GINS4: variants seen among roughly 807,000 people sequenced by gnomAD.
GINS4 encodes GINS complex subunit 4.
GINS4 carries 20 observed loss-of-function variants against 31.1 expected under a neutral mutation model. The observed-to-expected ratio is 0.64, with a 90% CI of 0.45 to 0.93. The LOEUF (loss-of-function observed/expected upper bound fraction) is 0.93. GINS4 is among the 40% of genes least tolerant of loss of function. GINS4 has a pLI of 0.00. For synonymous variants in GINS4, 85 were observed against 97.9 expected (o/e 0.87, Z 0.78); for missense variants, 245 against 273.9 (o/e 0.89, Z 0.75).
chr8:41,530,161 A>T, intron 1 of GINS4, 23 bp from the exon 2 acceptor site: 1 of 1,362,634 alleles, frequency 7.3e-7, no homozygotes, highest in Non-Finnish European at 1.0e-6. Flanking sequence ...ATTGCAGAGT[A>T]TTGGTTCTTT....
intron 1 of GINS4, chr8:41,529,686 C>T (rs1475285303): frequency 6.5e-6 from 1 of 153,050 alleles, no homozygotes; most frequent in African/African-American, 2.4e-5. Context: ...AAGGTATCTT[C>T]CTGCCTCGGC....
At chr8:41,532,503 G>A (rs1187919725) in intron 2 of GINS4, among the ~76,000 whole-genome samples, 1 of 152,024 alleles carries the variant, frequency 6.6e-6, no homozygotes, top group Admixed American at 6.6e-5. Context: ...CCATCCTGAG[G>A]ATCATAGCGA....
chr8:41,536,730 G>T (rs987198707), intron 3 of GINS4, among the ~76,000 whole-genome samples: 43 of 152,198 alleles, frequency 2.8e-4, no homozygotes, highest in African/African-American at 1.0e-3. Flanking sequence ...TGTACTCCCT[G>T]CTCCCCACAG....
chr8:41,534,363 T>C (rs1402824729), intron 2 of GINS4: 1 of 222,702 alleles, frequency 4.5e-6, no homozygotes, highest in South Asian at 5.4e-5. Context: ...GCCATTATCA[T>C]GCCACTGTGT....
intron 2 of GINS4, among the ~76,000 whole-genome samples, chr8:41,535,316 C>A (rs1220118337): frequency 1.3e-5 from 2 of 152,120 alleles, no homozygotes; most frequent in Non-Finnish European, 2.9e-5. Context: ...CCAGCCTGGG[C>A]AACAGAGTGA....
chr8:41,538,814 G>C (rs1330875527), intron 4 of GINS4, among the ~76,000 whole-genome samples: 2 of 151,778 alleles, frequency 1.3e-5, no homozygotes, highest in Non-Finnish European at 2.9e-5. Flanking sequence ...ACGTGATTCT[G>C]TTGCCTCAGC....
chr8:41,539,751 C>A lies in GINS4; in HGVS notation c.371C>A (p.Pro124Gln). The change falls in exon 5 of 8, where the codon CCG becomes CAG. Residue 124 changes from proline to glutamine, a missense_variant. By Grantham distance (76) the Pro-to-Gln change is moderately conservative. Transcript: ENST00000276533. ...RPEGEPSSLSPEELAFAREFM... is the reference protein window; with the variant it reads ...RPEGEPSSLSQEELAFAREFM... ...GAGGGGGAGCCTTCCAGCCTCTCGC[C>A]GGAAGAGTTGGCCTTTGCCAGAGAG... 2 of 1,614,082 alleles carry A rather than the reference C, an allele frequency of 1.2e-6. No individual in the cohort carries two copies. The highest frequency in any genetic ancestry group is 3.3e-4 in the Middle Eastern group (2 of 6,062).
intron 2 of GINS4, chr8:41,534,264 A>G (rs1806702956): frequency 7.0e-6 from 3 of 430,190 alleles, no homozygotes; most frequent in South Asian, 3.3e-5. Context: ...AAAATTAGCC[A>G]GGCTTTGTGG....
Position 41,534,307 on chromosome 8 carries a change from TGAGGCAG to T in GINS4, c.97-2048_97-2042del, listed in dbSNP as rs532961603. Reference sequence around the variant, plus strand: ...CTTTAGTCCCAGCTACTCTGGAGGCTGAGGCAGGAGGATCACTTAAGCCTTGGAGGTC... The same window carrying T: ...CTTTAGTCCCAGCTACTCTGGAGGCTGAGGATCACTTAAGCCTTGGAGGTC... On this transcript the variant is annotated intron_variant, in intron 2 of 7. Transcript: ENST00000276533. The T allele has an allele frequency of 1.3e-3, 519 of 392,406 alleles. 2 individuals carry two copies. The highest frequency in any genetic ancestry group is 1.9e-3 in the Non-Finnish European group (376 of 193,868). 24.3% of individuals were successfully genotyped at this position (392,406 alleles called of 1,614,324 possible). A position where few individuals can be genotyped will look rare whatever the true frequency, so the allele number is the denominator to read the frequency against.
intron 2 of GINS4, 45 bp from the exon 3 acceptor site, chr8:41,536,315 C>A: frequency 8.4e-7 from 1 of 1,185,710 alleles, no homozygotes; most frequent in Non-Finnish European, 1.3e-6. Flanking sequence ...GGTTGTTTAG[C>A]TCTGTGGTGG....
At chr8:41,539,832 C>T (rs1231789247) in intron 5 of GINS4, 57 bp downstream of exon 5, 1 of 1,567,358 alleles carries the variant, frequency 6.4e-7, no homozygotes, top group Non-Finnish European at 8.8e-7. Context: ...GAGGCCTGTC[C>T]TAGAGGCCTG....
At chr8:41,536,307 T>G in intron 2 of GINS4, 53 bp from the exon 3 acceptor site, 1 of 1,079,476 alleles carries the variant, frequency 9.3e-7, no homozygotes. Flanking sequence ...ACTCACTGGG[T>G]TGTTTAGCTC....
chr8:41,538,738 T>G (rs1336006414), intron 4 of GINS4, among the ~76,000 whole-genome samples: 11 of 152,016 alleles, frequency 7.2e-5, no homozygotes, highest in Non-Finnish European at 5.9e-5. Context: ...AGAGTCTCAC[T>G]CTGTTGCTCA....
At chr8:41,533,552 A>T (rs1806685644) in intron 2 of GINS4, among the ~76,000 whole-genome samples, 1 of 152,218 alleles carries the variant, frequency 6.6e-6, no homozygotes, top group Non-Finnish European at 1.5e-5. Context: ...CACGGCTGCC[A>T]CAGCCAGATC....
chr8:41,543,178 AT>A lies in GINS4; in HGVS notation c.*1094del, dbSNP rs1431342499. On this transcript the variant is annotated 3_prime_UTR_variant, in exon 8 of 8. Coordinates refer to ENST00000276533, the MANE Select transcript of GINS4 (RefSeq NM_032336.3). ...ACCTCTAATATTGGACTTAAAACCA[AT>A]TTCTGTCGTGCTTAATTGAAAATCA... The A allele has an allele frequency of 1.1e-4, 17 of 152,246 alleles. No homozygotes were observed. Among genetic ancestry groups the A allele is most frequent in the African/African-American group, 4.1e-4 (17 of 41,462 alleles). The allele number at this position is 152,246 out of a possible 1,614,324, so 9.4% of individuals were successfully genotyped here.
intron 4 of GINS4, among the ~76,000 whole-genome samples, chr8:41,539,173 A>G (rs977887077): frequency 4.6e-5 from 7 of 151,376 alleles, no homozygotes; most frequent in African/African-American, 9.7e-5. Context: ...TACAAAAATC[A>G]TCTGGGTGTG....
intron 2 of GINS4, among the ~76,000 whole-genome samples, chr8:41,534,941 G>A (rs113501866): frequency 0.026 from 3,879 of 152,092 alleles, 115 homozygotes; most frequent in African/African-American, 0.057. Flanking sequence ...AGCCAGGATG[G>A]TTTGATCTCC....
Position 41,537,364 on chromosome 8 carries a change from A to G in GINS4, c.297+71A>G, listed in dbSNP as rs1034018657. The stretch of plus-strand genomic sequence containing the variant: ...AATGCAGACTGAATGTCCTGGGGAA[A>G]ACTTGGGCTGGGGCCCAGGAGGGTC... On this transcript the variant is annotated intron_variant, in intron 4 of 7. Coordinates refer to ENST00000276533, the MANE Select transcript of GINS4 (RefSeq NM_032336.3). 6.8e-5 allele frequency: 80 copies of G among 1,183,390 alleles called. 1 individual carries two copies. The South Asian group carries it at 9.6e-4, about 14-fold the overall frequency. The allele number at this position is 1,183,390 out of a possible 1,614,324, so 73.3% of individuals were successfully genotyped here.
chr8:41,543,382 G>A lies in GINS4; in HGVS notation c.*1295G>A, dbSNP rs948775937. On this transcript the variant is annotated 3_prime_UTR_variant, in exon 8 of 8. Transcript: ENST00000276533. ...GGGCCATCTGGCTGTCCTTGGCCAA[G>A]GCACTGTTAACGGAGTGACGTTAAC... 1 of 152,222 alleles carries A rather than the reference G, an allele frequency of 6.6e-6. No homozygotes were observed. Among genetic ancestry groups the A allele is most frequent in the African/African-American group, 2.4e-5 (1 of 41,454 alleles). 9.4% of individuals were successfully genotyped at this position (152,222 alleles called of 1,614,324 possible).
Sources: allele counts gnomAD v4.1 joint callset (sites outside exome capture counted in the v4.1 genomes callset), GRCh38; gene constraint gnomAD v4.1.1; transcripts MANE v1.5; gene names NCBI Gene and HGNC (gene_info 2026-07-23, HGNC 2026-07-21).